The following XKR6 variants were observed in gnomAD, a reference collection of about 807,000 sequenced individuals.
XKR6 encodes the protein XK related 6.
XKR6 carries 22 observed loss-of-function variants against 56.7 expected under a neutral mutation model. The observed-to-expected ratio is 0.39, with a 90% CI of 0.28 to 0.55. XKR6 has a LOEUF of 0.55. XKR6 is among the 20% of genes least tolerant of loss of function. The probability of loss-of-function intolerance (pLI) is 0.66; values close to 1 mark genes in which losing one functional copy is unlikely to be tolerated. For missense variants in XKR6, 852 were observed against 889.0 expected, an observed-to-expected ratio of 0.96 and a Z score of 0.53; for synonymous variants, 524 against 387.8, an observed-to-expected ratio of 1.35 and a Z score of -4.13.
intron 2 of XKR6, among the ~76,000 whole-genome samples, chr8:10,915,034 C>T (rs1178568254): frequency 6.6e-6 from 1 of 152,216 alleles, no homozygotes; most frequent in Non-Finnish European, 1.5e-5. Context: ...TGTTGAAGAC[C>T]AATAGAGAGC....
At chr8:11,039,852 C>T (rs1456775698) in intron 1 of XKR6, among the ~76,000 whole-genome samples, 2 of 152,234 alleles carry the variant, frequency 1.3e-5, no homozygotes, top group African/African-American at 4.8e-5. Flanking sequence ...GCTCTACGAA[C>T]GCCGGGGACA....
intron 1 of XKR6, among the ~76,000 whole-genome samples, chr8:11,057,152 A>ATGGATC (rs1466662720): frequency 2.3e-4 from 35 of 152,296 alleles, no homozygotes; most frequent in South Asian, 1.0e-3. Context: ...CCCTCTCTTC[A>ATGGATC]TGGATCCTAT....
chr8:11,089,778 G>GCA (rs1798005193), intron 1 of XKR6, among the ~76,000 whole-genome samples: 1 of 152,184 alleles, frequency 6.6e-6, no homozygotes, highest in Non-Finnish European at 1.5e-5. Context: ...TACTTAATGT[G>GCA]CAGTAAAACC....
At chr8:11,145,651 T>G (rs1024475006) in intron 1 of XKR6, among the ~76,000 whole-genome samples, 1 of 152,040 alleles carries the variant, frequency 6.6e-6, no homozygotes, top group African/African-American at 2.4e-5. Flanking sequence ...TGACAAAAGG[T>G]GCACAGGAAC....
intron 1 of XKR6, among the ~76,000 whole-genome samples, chr8:10,988,654 G>A (rs1355923941): frequency 2.0e-5 from 3 of 152,184 alleles, no homozygotes; most frequent in African/African-American, 7.2e-5. Context: ...GGCCTGTCTG[G>A]GACATGTCAC....
At chr8:10,974,541 A>C (rs1387124169) in intron 1 of XKR6, among the ~76,000 whole-genome samples, 1 of 152,240 alleles carries the variant, frequency 6.6e-6, no homozygotes, top group Non-Finnish European at 1.5e-5. Flanking sequence ...ATACTGAGCC[A>C]TATCTTTTTG....
At chr8:10,937,681 C>A (rs1241518216) in intron 1 of XKR6, among the ~76,000 whole-genome samples, 26 of 148,020 alleles carry the variant, frequency 1.8e-4, no homozygotes, top group East Asian at 4.0e-4. Flanking sequence ...CAGTGTGCCC[C>A]TGCTGGGGGG....
At chr8:10,947,240 ATT>A (rs1340389790) in intron 1 of XKR6, among the ~76,000 whole-genome samples, 2 of 152,300 alleles carry the variant, frequency 1.3e-5, no homozygotes, top group Admixed American at 1.3e-4. Flanking sequence ...CACGTCTGAG[ATT>A]TGGTTTGGTT....
At chr8:11,060,903 T>C (rs11997437) in intron 1 of XKR6, among the ~76,000 whole-genome samples, 16,348 of 152,280 alleles carry the variant, frequency 0.11, 2,793 homozygotes, top group African/African-American at 0.36. Context: ...CAAACCCTGA[T>C]GAAGGGTAAA....
At chr8:11,155,342 A>C (rs1182087243) in intron 1 of XKR6, among the ~76,000 whole-genome samples, 1 of 152,224 alleles carries the variant, frequency 6.6e-6, no homozygotes, top group Non-Finnish European at 1.5e-5. Context: ...TTAAAACTGA[A>C]GGGAAAAATT....
At chr8:11,059,296 G>A (rs1182173776) in intron 1 of XKR6, among the ~76,000 whole-genome samples, 1 of 151,974 alleles carries the variant, frequency 6.6e-6, no homozygotes, top group East Asian at 1.9e-4. Context: ...TTTGTTGAGC[G>A]AATGAATGAA....
intron 2 of XKR6, among the ~76,000 whole-genome samples, chr8:10,917,427 G>A (rs1373475794): frequency 2.0e-5 from 3 of 152,198 alleles, no homozygotes; most frequent in Non-Finnish European, 2.9e-5. Flanking sequence ...GCAACATGTC[G>A]AGGTCTGCTT....
chr8:11,168,600 A>G (rs982557309), intron 1 of XKR6, among the ~76,000 whole-genome samples: 1 of 152,234 alleles, frequency 6.6e-6, no homozygotes, highest in Non-Finnish European at 1.5e-5. Context: ...ACATTCTTCT[A>G]AAGTTTACAT....
At chr8:11,198,938 C>G (rs909043056) in intron 1 of XKR6, among the ~76,000 whole-genome samples, 5 of 152,024 alleles carry the variant, frequency 3.3e-5, no homozygotes, top group African/African-American at 1.2e-4. Context: ...AAAGGTATCT[C>G]CAATACCAAA....
chr8:11,002,512 C>A (rs990832998), intron 1 of XKR6: 11 of 341,078 alleles, frequency 3.2e-5, no homozygotes, highest in African/African-American at 2.2e-4. Context: ...ATACACTGAG[C>A]AAGCAGGAAT....
chr8:11,146,835 C>T (rs1438591438), intron 1 of XKR6, among the ~76,000 whole-genome samples: 1 of 151,832 alleles, frequency 6.6e-6, no homozygotes, highest in African/African-American at 2.4e-5. Context: ...CATACACAGA[C>T]CTGGAGGGCA....
At chr8:10,918,143 A>G (rs1485956535) in intron 2 of XKR6, among the ~76,000 whole-genome samples, 1 of 152,188 alleles carries the variant, frequency 6.6e-6, no homozygotes, top group Non-Finnish European at 1.5e-5. Flanking sequence ...AGGAAAGGCT[A>G]GGCAAAGGGC....
chr8:10,967,550 G>C (rs1332005066), intron 1 of XKR6, among the ~76,000 whole-genome samples: 1 of 152,174 alleles, frequency 6.6e-6, no homozygotes, highest in African/African-American at 2.4e-5. Context: ...GGGGTGCCTG[G>C]TCTGGGGCAA....
In XKR6 at chr8:11,200,834, A is replaced by T; in HGVS notation, c.506T>A (p.Val169Glu). ...YVYFGLTLFFVLVPSLLVQSL... is the reference protein window; with the variant it reads ...YVYFGLTLFFELVPSLLVQSL... ...CTGCACCAGCAGCGACGGCACCAGCACGAAGAAGAGGGTCAGCCCGAAGTA... is the reference window on the plus strand; with the variant it reads ...CTGCACCAGCAGCGACGGCACCAGCTCGAAGAAGAGGGTCAGCCCGAAGTA... The change falls in exon 1 of 3, where the codon GTG becomes GAG. Residue 169 changes from valine to glutamate, a missense_variant. Physicochemically the swap from Val to Glu is moderately radical, Grantham distance 121 (BLOSUM62 -2). Transcript: ENST00000416569. This position sits in a 1 kb window ranked among gnomAD's most constrained non-coding sequence, Gnocchi z 6.4. 6.2e-7 allele frequency: 1 copy of T among 1,612,002 alleles called. No homozygotes were observed. The highest frequency in any genetic ancestry group is 1.1e-5 in the South Asian group (1 of 90,994).
Sources: gnomAD v4.1 joint callset for allele counts (sites outside exome capture counted in the v4.1 genomes callset) on GRCh38, gnomAD v4.1.1 for gene constraint, Gnocchi (gnomAD v3.1) non-coding constraint, MANE v1.5 for transcripts, NCBI Gene and HGNC (gene_info 2026-07-23, HGNC 2026-07-21) for gene names.